Variants in B4GALNT3 observed in about 807,000 individuals in gnomAD.
B4GALNT3 encodes the protein beta-1,4-N-acetylgalactosaminyltransferase 3.
Under a neutral mutation model 120.2 loss-of-function variants are expected in B4GALNT3, and 86 were observed. That is an observed-to-expected ratio of 0.72 (90% CI 0.60 to 0.86). B4GALNT3 has a LOEUF of 0.86. B4GALNT3 is among the 40% of genes least tolerant of loss of function. The pLI is 0.00. For missense variants in B4GALNT3, 1,167 were observed against 1,298.9 expected (o/e 0.90, Z 1.56); for synonymous variants, 518 against 510.4 (o/e 1.01, Z -0.20).
At position 544,785 on chromosome 12, in the gene B4GALNT3, C is replaced by G; in HGVS notation, c.448-97C>G. On this transcript the variant is annotated intron_variant, in intron 4 of 19. Transcript: ENST00000266383. ...TCACAAAGCCACAGCCCTGGTCCCT[C>G]CTGTCATAGTCCCCTCCTGGTCTTC... The G allele has an allele frequency of 1.6e-6, 2 of 1,215,962 alleles. 1 individual carries two copies. The highest frequency in any genetic ancestry group is 2.6e-5 in the South Asian group (2 of 76,078). The allele number at this position is 1,215,962 out of a possible 1,614,324, so 75.3% of individuals were successfully genotyped here.
chr12:561,518 T>G lies in B4GALNT3; in HGVS notation c.*67T>G. ...TAGCAGTGGCTCCCCAGGGCCCTGCTACTGTTCAGGGATGGGGAGTGGGGT... is the reference window on the plus strand; with the variant it reads ...TAGCAGTGGCTCCCCAGGGCCCTGCGACTGTTCAGGGATGGGGAGTGGGGT... On this transcript the variant is annotated 3_prime_UTR_variant, in exon 20 of 20. Transcript: ENST00000266383. The G allele has an allele frequency of 7.7e-7, 1 of 1,298,716 alleles. No homozygotes were observed. The highest frequency in any genetic ancestry group is 1.1e-6 in the Non-Finnish European group (1 of 923,140). The allele number at this position is 1,298,716 out of a possible 1,614,324, so 80.4% of individuals were successfully genotyped here. A position where few individuals can be genotyped will look rare whatever the true frequency, so the allele number is the denominator to read the frequency against.
rs1946016610 is a variant in B4GALNT3, at chr12:460,927, C to T, written c.169+382C>T. Among the ~76,000 whole-genome samples the T allele has an allele frequency of 1.3e-5, 2 of 152,166 alleles. No homozygotes were observed. The highest frequency in any genetic ancestry group is 1.3e-4 in the Admixed American group (2 of 15,280). Reference sequence around the variant, plus strand: ...GGAGGAGGTCCGTGGGGTCCACGCGCGAGCTAGGGATTCGGGTGCGGGATG... The same window carrying T: ...GGAGGAGGTCCGTGGGGTCCACGCGTGAGCTAGGGATTCGGGTGCGGGATG... On this transcript the variant is annotated intron_variant, in intron 1 of 19. Coordinates refer to ENST00000266383, the MANE Select transcript of B4GALNT3 (RefSeq NM_173593.4). This position sits in a 1 kb window ranked among gnomAD's most constrained non-coding sequence, Gnocchi z 8.0.
At chr12:518,484 T>C (rs1040668652) in intron 1 of B4GALNT3, among the ~76,000 whole-genome samples, 4 of 152,170 alleles carry the variant, frequency 2.6e-5, no homozygotes, top group African/African-American at 9.7e-5. Context: ...TGATCATAGC[T>C]CACTGCAGAC....
intron 1 of B4GALNT3, among the ~76,000 whole-genome samples, chr12:513,381 T>A (rs1247660058): frequency 2.6e-5 from 4 of 152,256 alleles, no homozygotes; most frequent in Non-Finnish European, 4.4e-5. Context: ...TATTTCTTGA[T>A]TAGATGCTAA....
intron 15 of B4GALNT3, among the ~76,000 whole-genome samples, chr12:557,201 C>T (rs1292389795): frequency 1.3e-5 from 2 of 152,036 alleles, no homozygotes; most frequent in Non-Finnish European, 1.5e-5. Flanking sequence ...AAGTGATGAG[C>T]AGGGTTTTAT....
intron 1 of B4GALNT3, among the ~76,000 whole-genome samples, chr12:504,826 T>G (rs1017671276): frequency 1.3e-5 from 2 of 152,088 alleles, no homozygotes; most frequent in Non-Finnish European, 2.9e-5. Flanking sequence ...TTCTGTCTCT[T>G]AACCCTTCTG....
intron 1 of B4GALNT3, among the ~76,000 whole-genome samples, chr12:525,763 C>A (rs1004632463): frequency 6.6e-6 from 1 of 152,182 alleles, no homozygotes; most frequent in Non-Finnish European, 1.5e-5. Context: ...GGCCCTAAAC[C>A]GTTCAGAGCA....
At chr12:545,885 T>G (rs1391393602) in intron 6 of B4GALNT3, among the ~76,000 whole-genome samples, 1 of 764 alleles carries the variant, frequency 1.3e-3, no homozygotes, top group Non-Finnish European at 2.4e-3. Flanking sequence ...AGTGGGGAGG[T>G]GCGAGGAGTG....
At chr12:523,212 C>T (rs1039500423) in intron 1 of B4GALNT3, among the ~76,000 whole-genome samples, 3 of 152,112 alleles carry the variant, frequency 2.0e-5, no homozygotes, top group Non-Finnish European at 2.9e-5. Flanking sequence ...AGCCCAGAAT[C>T]GTGACCAGCA....
intron 1 of B4GALNT3, among the ~76,000 whole-genome samples, chr12:503,639 C>G (rs568502753): frequency 9.2e-5 from 14 of 152,318 alleles, no homozygotes; most frequent in African/African-American, 3.4e-4. Context: ...GCACTCCTAA[C>G]AGCCAAGCCC....
chr12:546,226 G>C (rs530787636), intron 6 of B4GALNT3, among the ~76,000 whole-genome samples: 1 of 101,800 alleles, frequency 9.8e-6, no homozygotes, highest in Non-Finnish European at 2.1e-5. Flanking sequence ...GGGTGTGGGA[G>C]GAGGGGAGTG....
At chr12:481,971 G>T (rs1345451749) in intron 1 of B4GALNT3, among the ~76,000 whole-genome samples, 1 of 151,766 alleles carries the variant, frequency 6.6e-6, no homozygotes, top group Non-Finnish European at 1.5e-5. Context: ...CTCTGAAATG[G>T]GGCAGGTAGG....
intron 1 of B4GALNT3, among the ~76,000 whole-genome samples, chr12:520,778 G>A (rs938654041): frequency 2.6e-5 from 4 of 152,234 alleles, no homozygotes; most frequent in Admixed American, 6.5e-5. Context: ...GTGACAGAGC[G>A]AGACTCCGTC....
intron 1 of B4GALNT3, among the ~76,000 whole-genome samples, chr12:499,419 C>T (rs886451041): frequency 5.3e-5 from 8 of 150,618 alleles, no homozygotes; most frequent in African/African-American, 1.7e-4. Context: ...CCGTGGAGCC[C>T]GTGCTCTCAC....
intron 9 of B4GALNT3, 81 bp from the exon 10 acceptor site, chr12:549,688 C>CTCT: frequency 1.3e-6 from 2 of 1,561,610 alleles, no homozygotes; most frequent in Non-Finnish European, 1.8e-6. Context: ...CCTTCTGCGT[C>CTCT]TCTTCCCTCC....
chr12:485,666 T>C (rs965345987), intron 1 of B4GALNT3, among the ~76,000 whole-genome samples: 1 of 152,238 alleles, frequency 6.6e-6, no homozygotes, highest in Non-Finnish European at 1.5e-5. Flanking sequence ...TACAAGCATA[T>C]GATTTATCGA....
chr12:516,260 A>G (rs1335383883), intron 1 of B4GALNT3, among the ~76,000 whole-genome samples: 1 of 152,062 alleles, frequency 6.6e-6, no homozygotes, highest in South Asian at 2.1e-4. Flanking sequence ...AATAAATGCT[A>G]TTGAGAAAAA....
At chr12:489,860 G>T (rs1163202608) in intron 1 of B4GALNT3, among the ~76,000 whole-genome samples, 1 of 152,120 alleles carries the variant, frequency 6.6e-6, no homozygotes, top group African/African-American at 2.4e-5. Flanking sequence ...ACCATATTCG[G>T]GGTGGTAAAA....
At position 555,497 on chromosome 12, in the gene B4GALNT3, G is replaced by T. The variant is rs1298253893; in HGVS notation, c.2061-1050G>T. The T allele has an allele frequency of 1.5e-5, 6 of 394,476 alleles. No individual in the cohort carries two copies. In the Admixed American group the frequency reaches 1.8e-4, roughly 12 times the overall value. The allele number at this position is 394,476 out of a possible 1,614,324, so 24.4% of individuals were successfully genotyped here. On this transcript the variant is annotated intron_variant, in intron 14 of 19. Coordinates refer to ENST00000266383, the MANE Select transcript of B4GALNT3 (RefSeq NM_173593.4). ...TTTCCATTCATCCGTTGAAGGACAT[G>T]TGGGTTGTTTCTACTTTTTGACTAT...
Sources: gnomAD v4.1 joint callset for allele counts (sites outside exome capture counted in the v4.1 genomes callset) on GRCh38, gnomAD v4.1.1 for gene constraint, Gnocchi (gnomAD v3.1) non-coding constraint, MANE v1.5 for transcripts, NCBI Gene and HGNC (gene_info 2026-07-23, HGNC 2026-07-21) for gene names.